LDLRAD4: variants seen among roughly 807,000 people sequenced by gnomAD.
LDLRAD4 encodes the protein low-density lipoprotein receptor class A domain-containing protein 4.
In LDLRAD4, 5 loss-of-function variants were observed where a neutral mutation model predicts 17.0. That is an observed-to-expected ratio of 0.29 (90% CI 0.15 to 0.62). The LOEUF (loss-of-function observed/expected upper bound fraction) is 0.62. LDLRAD4 is among the 20% of genes least tolerant of loss of function. The pLI, the probability that LDLRAD4 is intolerant of heterozygous loss-of-function variation, is 0.84. For missense variants in LDLRAD4, 340 were observed against 424.7 expected, an observed-to-expected ratio of 0.80 and a Z score of 1.75; for synonymous variants, 168 against 171.8, an observed-to-expected ratio of 0.98 and a Z score of 0.17.
chr18:13,247,347 A>G (rs1356094160), intron 1 of LDLRAD4, among the ~76,000 whole-genome samples: 1 of 152,196 alleles, frequency 6.6e-6, no homozygotes, highest in Non-Finnish European at 1.5e-5. Context: ...CGCGTATCAC[A>G]ACTAAGAAAT....
intron 2 of LDLRAD4, among the ~76,000 whole-genome samples, chr18:13,426,329 A>G (rs1235236227): frequency 6.6e-6 from 1 of 152,234 alleles, no homozygotes; most frequent in African/African-American, 2.4e-5. Context: ...AGTACTATAA[A>G]GAAGTTCTTT....
intron 3 of LDLRAD4, among the ~76,000 whole-genome samples, chr18:13,575,215 C>A (rs1412130812): frequency 3.9e-5 from 6 of 152,286 alleles, no homozygotes; most frequent in South Asian, 4.1e-4. Flanking sequence ...AGTCTTTTAT[C>A]CCTCACTTAC....
At chr18:13,638,843 T>TGG (rs1489197888) in intron 4 of LDLRAD4, among the ~76,000 whole-genome samples, 1 of 152,174 alleles carries the variant, frequency 6.6e-6, no homozygotes, top group Non-Finnish European at 1.5e-5. Flanking sequence ...TCCCAGCCCT[T>TGG]GGGGACATGC....
At chr18:13,242,769 T>C (rs560150603) in intron 1 of LDLRAD4, among the ~76,000 whole-genome samples, 1 of 152,380 alleles carries the variant, frequency 6.6e-6, no homozygotes, top group South Asian at 2.1e-4. Flanking sequence ...TTGTACCCAT[T>C]AGATGTACTG....
chr18:13,387,613 C>A, exon 2 of LDLRAD4: 1 of 1,003,406 alleles, frequency 1.0e-6, no homozygotes, highest in Non-Finnish European at 1.6e-6. Context: ...GCCGGCCCAG[C>A]AGAGCGATGG....
intron 3 of LDLRAD4, among the ~76,000 whole-genome samples, chr18:13,458,777 G>A (rs151178278): frequency 6.6e-6 from 1 of 152,342 alleles, no homozygotes; most frequent in East Asian, 1.9e-4. Context: ...CAGAACCAGA[G>A]GTGACCACCA....
chr18:13,270,606 TAGATGATACAGATGGGGTGAG>T (rs1447666965), intron 1 of LDLRAD4, among the ~76,000 whole-genome samples: 4 of 152,234 alleles, frequency 2.6e-5, no homozygotes, highest in African/African-American at 9.6e-5. Context: ...AGTTTATGCG[TAGATGATACAGATGGGGTGAG>T]TTCTGTTTGG....
Position 13,486,987 on chromosome 18 carries a change from G to A in LDLRAD4, c.181+48603G>A, listed in dbSNP as rs1005473610. 2.0e-5 allele frequency: 3 copies of A among 152,342 alleles called. No homozygotes were observed. In the South Asian group the frequency reaches 6.2e-4, roughly 32 times the overall value. 9.4% of individuals were successfully genotyped at this position (152,342 alleles called of 1,614,324 possible). On this transcript the variant is annotated intron_variant, in intron 3 of 5. Transcript: ENST00000359446. ...CTTGCTGTCTTCTCATTTCTGCTGG[G>A]TGGGTGGTAGTATGATATTGTGGCT... is the stretch of plus-strand genomic sequence containing the variant.
chr18:13,416,579 A>G (rs992774306), intron 2 of LDLRAD4, among the ~76,000 whole-genome samples: 2 of 152,218 alleles, frequency 1.3e-5, no homozygotes, highest in East Asian at 1.9e-4. Context: ...CTCTGTGTCT[A>G]CTTCTGACAT....
At chr18:13,365,054 C>T (rs148808679) in intron 1 of LDLRAD4, among the ~76,000 whole-genome samples, 3 of 152,284 alleles carry the variant, frequency 2.0e-5, no homozygotes, top group Admixed American at 6.5e-5. Context: ...CTGCTCAGGC[C>T]GTGATGCAGA....
At chr18:13,564,625 CCTTTGTGGGGT>C (rs1326462040) in intron 3 of LDLRAD4, among the ~76,000 whole-genome samples, 1 of 150,656 alleles carries the variant, frequency 6.6e-6, no homozygotes, top group Non-Finnish European at 1.5e-5. Context: ...AAAGCCCAAG[CCTTTGTGGGGT>C]CTGAGTCGTG....
chr18:13,547,615 A>G (rs961371518), intron 3 of LDLRAD4, among the ~76,000 whole-genome samples: 1 of 152,208 alleles, frequency 6.6e-6, no homozygotes, highest in Non-Finnish European at 1.5e-5. Context: ...TGGCCACTGT[A>G]CATGGCCAGG....
In LDLRAD4 at chr18:13,234,183, G is replaced by C. The variant is rs143389821; in HGVS notation, c.-467+15195G>C. Among the ~76,000 whole-genome samples the C allele has an allele frequency of 5.7e-3, 861 of 152,306 alleles. 3 individuals carry two copies. The highest frequency in any genetic ancestry group is 9.2e-3 in the Non-Finnish European group (624 of 68,032). Reference sequence around the variant, plus strand: ...GCGATGGTCTGGTCTGGATGCAGCAGCCAGTGACCCTTGTAATCCCTGATG... The same window carrying C: ...GCGATGGTCTGGTCTGGATGCAGCACCCAGTGACCCTTGTAATCCCTGATG... On this transcript the variant is annotated intron_variant, in intron 1 of 5. Transcript: ENST00000399848.
chr18:13,611,560 A>G (rs2039559998), intron 3 of LDLRAD4: 1 of 985,420 alleles, frequency 1.0e-6, no homozygotes. Context: ...GCTTGAACAA[A>G]ATGAACCAGG....
intron 4 of LDLRAD4, among the ~76,000 whole-genome samples, chr18:13,634,638 C>T (rs776590359): frequency 1.4e-4 from 21 of 152,066 alleles, no homozygotes; most frequent in Non-Finnish European, 2.8e-4. Flanking sequence ...GATGTTAGTA[C>T]TACTAAAAGC....
At chr18:13,420,406 A>C (rs907453536) in intron 2 of LDLRAD4, 1 of 152,254 alleles carries the variant, frequency 6.6e-6, no homozygotes, top group Non-Finnish European at 1.5e-5. Flanking sequence ...AATCATAGAA[A>C]ATAAAATAAC....
intron 1 of LDLRAD4, among the ~76,000 whole-genome samples, chr18:13,284,463 A>G (rs2045490273): frequency 6.6e-6 from 1 of 152,206 alleles, no homozygotes; most frequent in South Asian, 2.1e-4. Context: ...TGCCTAGCAC[A>G]GCATTGTCAA....
At chr18:13,270,920 A>C (rs1397938733) in intron 1 of LDLRAD4, among the ~76,000 whole-genome samples, 1 of 152,268 alleles carries the variant, frequency 6.6e-6, no homozygotes, top group African/African-American at 2.4e-5. Flanking sequence ...GTTTGTGTAC[A>C]TATGTATTTG....
chr18:13,378,381 G>C (rs2085085871), intron 1 of LDLRAD4, among the ~76,000 whole-genome samples: 1 of 152,074 alleles, frequency 6.6e-6, no homozygotes, highest in African/African-American at 2.4e-5. Context: ...TGCCCTCTCT[G>C]TGCCATCTTT....
Sources: allele counts gnomAD v4.1 joint callset (sites outside exome capture counted in the v4.1 genomes callset), GRCh38; gene constraint gnomAD v4.1.1; transcripts MANE v1.5; gene names NCBI Gene and HGNC (gene_info 2026-07-23, HGNC 2026-07-21).